CHODL: variants seen among roughly 807,000 people sequenced by gnomAD.
The protein encoded by CHODL is transmembrane protein MT75.
A neutral mutation model predicts 34.5 loss-of-function variants in CHODL; 29 were observed. The observed-to-expected ratio is 0.84, with a 90% CI of 0.63 to 1.15. The LOEUF (loss-of-function observed/expected upper bound fraction) is 1.15, where lower values mean the gene tolerates loss of function less well. Among genes scored for constraint, CHODL ranks in the 50% most tolerant of loss-of-function variants. The pLI is 0.00. For synonymous variants in CHODL, 125 were observed against 116.1 expected (o/e 1.08, Z -0.49); for missense variants, 332 against 332.5 (o/e 1.00, Z 0.01).
Position 17,971,812 on chromosome 21 carries a change from C to T in CHODL, c.-145+54412C>T, listed in dbSNP as rs530151998. On this transcript the variant is annotated intron_variant, in intron 1 of 6. Coordinates refer to the CHODL transcript ENST00000400127. ...TCCCCAACACATTTTATGAGGCCAG[C>T]ATCATCCTGATACCAAAACCTGGCA... 2.6e-5 allele frequency among the ~76,000 whole-genome samples: 4 copies of T among 152,244 alleles called. No homozygotes were observed. In the East Asian group the frequency reaches 7.7e-4, roughly 29 times the overall value.
rs1471883479 is a variant in CHODL, at chr21:18,076,216, A to T, written c.-45+48245A>T. 3.9e-5 allele frequency among the ~76,000 whole-genome samples: 6 copies of T among 152,202 alleles called. No individual in the cohort carries two copies. In the East Asian group the frequency reaches 7.7e-4, roughly 20 times the overall value. ...AGAGATTGGAAGAGTTGTGAAGTGCATGCTAGAACAAACTTCTTAGAGAAT... is the reference window on the plus strand; with the variant it reads ...AGAGATTGGAAGAGTTGTGAAGTGCTTGCTAGAACAAACTTCTTAGAGAAT... On this transcript the variant is annotated intron_variant, in intron 2 of 6. Transcript: ENST00000400127.
intron 1 of CHODL, among the ~76,000 whole-genome samples, chr21:18,017,510 T>C (rs1039224418): frequency 1.3e-5 from 2 of 152,208 alleles, no homozygotes; most frequent in African/African-American, 4.8e-5. Flanking sequence ...TCAGAGGGCA[T>C]GAGCCATAAG....
chr21:17,959,378 G>A (rs1270800482), intron 1 of CHODL, among the ~76,000 whole-genome samples: 1 of 152,108 alleles, frequency 6.6e-6, no homozygotes, highest in Non-Finnish European at 1.5e-5. Context: ...TCTGTTGTGA[G>A]TATACAGTTT....
chr21:17,934,692 A>C (rs1177326390), intron 1 of CHODL, among the ~76,000 whole-genome samples: 1 of 152,170 alleles, frequency 6.6e-6, no homozygotes, highest in Non-Finnish European at 1.5e-5. Context: ...TTATAATGTT[A>C]AATGGCAAAA....
chr21:18,218,022 G>A (rs1390400438), intron 2 of CHODL, among the ~76,000 whole-genome samples: 1 of 152,154 alleles, frequency 6.6e-6, no homozygotes, highest in South Asian at 2.1e-4. Flanking sequence ...TCCCACTCTG[G>A]GCTGCTTTCA....
Position 18,266,194 on chromosome 21 carries a change from C to G in CHODL, c.*156C>G. ...AAATATTAAAGTAATTTTTATATGT[C>G]TATTATTTCATTTAAAGAATATGCT... On this transcript the variant is annotated 3_prime_UTR_variant, in exon 6 of 6. Coordinates refer to ENST00000299295, the MANE Select transcript of CHODL (RefSeq NM_024944.3). 6.5e-7 allele frequency: 1 copy of G among 1,540,172 alleles called. No homozygotes were observed. The highest frequency in any genetic ancestry group is 8.8e-7 in the Non-Finnish European group (1 of 1,141,294).
At position 18,257,032 on chromosome 21, in the gene CHODL, C is replaced by A; in HGVS notation, c.452C>A (p.Pro151Gln). 6.2e-7 allele frequency: 1 copy of A among 1,613,970 alleles called. No homozygotes were observed. Among genetic ancestry groups the A allele is most frequent in the South Asian group, 1.1e-5 (1 of 91,076 alleles). Reference sequence around the variant, plus strand: ...AAGTGTGTTGTGATGTATCACCAACCAACTGCCAATCCTGGCCTTGGGGGT... The same window carrying A: ...AAGTGTGTTGTGATGTATCACCAACAAACTGCCAATCCTGGCCTTGGGGGT... The part of the protein sequence containing the change: ...SEKCVVMYHQ[P>Q]TANPGLGGPY... The change falls in exon 3 of 6, where the codon CCA becomes CAA. Residue 151 changes from proline to glutamine, a missense_variant. Coordinates refer to ENST00000299295, the MANE Select transcript of CHODL (RefSeq NM_024944.3).
Position 18,110,335 on chromosome 21 carries a change from A to T in CHODL, c.-45+82364A>T, listed in dbSNP as rs1355731275. On this transcript the variant is annotated intron_variant, in intron 2 of 6. Coordinates refer to the CHODL transcript ENST00000400127. ...CACACTTTTCATTGAGAGGTGATTC[A>T]CTTTTCCTTCTCCTTGATTCTGAGT... 1.3e-5 allele frequency among the ~76,000 whole-genome samples: 2 copies of T among 152,150 alleles called. 1 individual carries two copies. The highest frequency in any genetic ancestry group is 4.8e-5 in the African/African-American group (2 of 41,432).
intron 2 of CHODL, among the ~76,000 whole-genome samples, chr21:18,153,237 G>T (rs1285497798): frequency 6.6e-6 from 1 of 152,168 alleles, no homozygotes; most frequent in Non-Finnish European, 1.5e-5. Context: ...CTGATTTCCT[G>T]TCTGGAGGCT....
intron 1 of CHODL, among the ~76,000 whole-genome samples, chr21:17,979,163 A>ACGTAATGTAAGTCCCTTTTGCCACG (rs1568827616): frequency 1.3e-5 from 2 of 152,196 alleles, no homozygotes; most frequent in East Asian, 3.8e-4. Flanking sequence ...GTAATGTAGC[A>ACGTAATGTAAGTCCCTTTTGCCACG]TATTCTTAAA....
chr21:18,159,348 T>TTAA (rs1439298914), intron 2 of CHODL, among the ~76,000 whole-genome samples: 1 of 152,206 alleles, frequency 6.6e-6, no homozygotes, highest in Non-Finnish European at 1.5e-5. Context: ...TAGTGATGAT[T>TTAA]TAATATGGGA....
chr21:18,165,988 G>A (rs1441970274), intron 2 of CHODL, among the ~76,000 whole-genome samples: 1 of 152,116 alleles, frequency 6.6e-6, no homozygotes. Flanking sequence ...TTTATTCTGT[G>A]GTTTCTGTAG....
chr21:18,137,846 A>G (rs1183534622), intron 2 of CHODL, among the ~76,000 whole-genome samples: 3 of 152,172 alleles, frequency 2.0e-5, no homozygotes, highest in Non-Finnish European at 4.4e-5. Context: ...GATAGCTTAT[A>G]TGGATGTACA....
At chr21:18,036,378 G>A (rs1483337199) in intron 2 of CHODL, among the ~76,000 whole-genome samples, 4 of 151,996 alleles carry the variant, frequency 2.6e-5, no homozygotes, top group Non-Finnish European at 5.9e-5. Flanking sequence ...GGCTCAAGAG[G>A]TATCCTCTGC....
intron 1 of CHODL, among the ~76,000 whole-genome samples, chr21:18,251,516 A>AAAT (rs2074243652): frequency 2.6e-5 from 1 of 37,914 alleles, no homozygotes; most frequent in South Asian, 8.9e-4. Context: ...TTTAATATAT[A>AAAT]AAATATTTAT....
At chr21:18,234,961 G>T (rs2074015782) in intron 2 of CHODL, among the ~76,000 whole-genome samples, 1 of 152,074 alleles carries the variant, frequency 6.6e-6, no homozygotes, top group Non-Finnish European at 1.5e-5. Context: ...ATCTGGAAAA[G>T]GAAAGAAATA....
chr21:18,131,543 C>T (rs548727991), intron 2 of CHODL, among the ~76,000 whole-genome samples: 1 of 152,116 alleles, frequency 6.6e-6, no homozygotes. Flanking sequence ...CTCCTGGCCC[C>T]ATTTTCCCCA....
chr21:18,126,668 T>C (rs2065548833), intron 2 of CHODL, among the ~76,000 whole-genome samples: 1 of 152,106 alleles, frequency 6.6e-6, no homozygotes, highest in Non-Finnish European at 1.5e-5. Context: ...TAGGGCTTAA[T>C]ATCCTCGTAT....
chr21:17,957,184 C>T (rs1335698970), intron 1 of CHODL, among the ~76,000 whole-genome samples: 1 of 152,164 alleles, frequency 6.6e-6, no homozygotes, highest in Non-Finnish European at 1.5e-5. Context: ...AACTGTGCCT[C>T]TTAGATATCT....
Sources: allele counts gnomAD v4.1 joint callset (sites outside exome capture counted in the v4.1 genomes callset), GRCh38; gene constraint gnomAD v4.1.1; transcripts MANE v1.5; gene names NCBI Gene and HGNC (gene_info 2026-07-23, HGNC 2026-07-21).